IQCJ: variants seen among roughly 807,000 people sequenced by gnomAD.
The protein encoded by IQCJ is IQ motif containing J, also known as IQ domain-containing protein J.
Under a neutral mutation model 11.0 loss-of-function variants are expected in IQCJ, and 9 were observed. That is an observed-to-expected ratio of 0.82 (90% CI 0.49 to 1.43). The LOEUF is 1.43. IQCJ is among the 40% of genes most tolerant of loss of function. The pLI is 0.00. For synonymous variants in IQCJ, 55 were observed against 51.3 expected, an observed-to-expected ratio of 1.07 and a Z score of -0.31; for missense variants, 146 against 133.2, an observed-to-expected ratio of 1.10 and a Z score of -0.47.
intron 1 of IQCJ, among the ~76,000 whole-genome samples, chr3:159,203,440 G>A (rs1263863622): frequency 6.6e-6 from 1 of 151,572 alleles, no homozygotes; most frequent in African/African-American, 2.4e-5. Context: ...TTCTGTGACA[G>A]CATGGCCACA....
intron 1 of IQCJ, among the ~76,000 whole-genome samples, chr3:159,140,504 T>C (rs1720539851): frequency 6.6e-6 from 1 of 152,182 alleles, no homozygotes; most frequent in Admixed American, 6.5e-5. Context: ...ATGTAAAATA[T>C]CACGTTATAA....
At chr3:159,254,811 G>T (rs1560044365) in intron 3 of IQCJ, among the ~76,000 whole-genome samples, 1 of 152,058 alleles carries the variant, frequency 6.6e-6, no homozygotes, top group Non-Finnish European at 1.5e-5. Flanking sequence ...ATGAATAGAT[G>T]GCGGACACTT....
At chr3:159,248,214 C>A (rs1387511544) in intron 2 of IQCJ, among the ~76,000 whole-genome samples, 3 of 152,106 alleles carry the variant, frequency 2.0e-5, no homozygotes, top group Non-Finnish European at 2.9e-5. Flanking sequence ...AGCCTGATAC[C>A]TTCAATGCTG....
rs1314867697 is a variant in IQCJ at position 159,263,695 on chromosome 3, G to A, written c.*964G>A. 1.0e-6 allele frequency: 1 copy of A among 985,240 alleles called. No homozygotes were observed. The highest frequency in any genetic ancestry group is 1.2e-6 in the Non-Finnish European group (1 of 829,904). 61.0% of individuals were successfully genotyped at this position (985,240 alleles called of 1,614,324 possible). A position where few individuals can be genotyped will look rare whatever the true frequency, so the allele number is the denominator to read the frequency against. Reference sequence around the variant, plus strand: ...GTATTCTTTTTGGGATCAGGTAAAAGTTACTGTATTTGAAATGTTTTCAGA... The same window carrying A: ...GTATTCTTTTTGGGATCAGGTAAAAATTACTGTATTTGAAATGTTTTCAGA... On this transcript the variant is annotated 3_prime_UTR_variant, in exon 4 of 4. Coordinates refer to ENST00000397832, the MANE Select transcript of IQCJ (RefSeq NM_001042706.3).
intron 1 of IQCJ, among the ~76,000 whole-genome samples, chr3:159,227,131 G>A (rs1450986899): frequency 1.3e-5 from 2 of 152,140 alleles, no homozygotes; most frequent in Admixed American, 6.5e-5. Flanking sequence ...TTTAAGTAAT[G>A]GGATGCTTTC....
intron 3 of IQCJ, 80 bp downstream of exon 3, chr3:159,252,887 A>C (rs1727685641): frequency 2.2e-6 from 3 of 1,342,200 alleles, no homozygotes; most frequent in Admixed American, 2.1e-5. Context: ...TTTCGGGCAC[A>C]ACAGTTATGC....
intron 1 of IQCJ, among the ~76,000 whole-genome samples, chr3:159,116,614 GTATA>G (rs57810703): frequency 2.7e-3 from 153 of 57,490 alleles, no homozygotes; most frequent in South Asian, 4.7e-3. Context: ...CTGCTCATAT[GTATA>G]TATATATATA....
chr3:159,237,295 A>G (rs1388133163), intron 1 of IQCJ, among the ~76,000 whole-genome samples: 2 of 152,232 alleles, frequency 1.3e-5, no homozygotes, highest in Non-Finnish European at 2.9e-5. Context: ...AAAATAAAAA[A>G]CAAACCAGAA....
intron 1 of IQCJ, among the ~76,000 whole-genome samples, chr3:159,144,125 A>G (rs1720785276): frequency 6.6e-6 from 1 of 152,230 alleles, no homozygotes; most frequent in South Asian, 2.1e-4. Context: ...AAGTTTCAAC[A>G]TGAATTGTGG....
intron 1 of IQCJ, among the ~76,000 whole-genome samples, chr3:159,192,115 C>A (rs1723724695): frequency 2.0e-5 from 3 of 152,280 alleles, no homozygotes; most frequent in Admixed American, 1.3e-4. Flanking sequence ...ATGCCAAAAG[C>A]TTTAGTGAGA....
intron 1 of IQCJ, among the ~76,000 whole-genome samples, chr3:159,084,681 C>T (rs1443657228): frequency 6.6e-6 from 1 of 152,040 alleles, no homozygotes; most frequent in African/African-American, 2.4e-5. Context: ...TATGTGACTC[C>T]AGAGGTTACC....
chr3:159,200,347 A>G (rs928863592), intron 1 of IQCJ, among the ~76,000 whole-genome samples: 8 of 151,950 alleles, frequency 5.3e-5, no homozygotes, highest in Non-Finnish European at 1.2e-4. Flanking sequence ...ACCACCTTCT[A>G]GTGGTATGAT....
intron 1 of IQCJ, among the ~76,000 whole-genome samples, chr3:159,073,392 G>A (rs1315744367): frequency 1.3e-5 from 2 of 152,052 alleles, no homozygotes; most frequent in African/African-American, 2.4e-5. Context: ...GAACTTAGCG[G>A]TAAGGTGAGC....
chr3:159,141,828 C>T lies in IQCJ; in HGVS notation c.9+72387C>T, dbSNP rs373596095. On this transcript the variant is annotated intron_variant, in intron 1 of 3. Transcript: ENST00000397832. ...TTTTGAGACATCCCATACACTTGAG[C>T]ATTAATTATATTGTCTTATTTATCT... 1.9e-4 allele frequency among the ~76,000 whole-genome samples: 29 copies of T among 152,290 alleles called. No homozygotes were observed. The South Asian group carries it at 5.8e-3, about 31-fold the overall frequency.
intron 1 of IQCJ, among the ~76,000 whole-genome samples, chr3:159,076,012 A>G (rs552760171): frequency 6.6e-6 from 1 of 152,082 alleles, no homozygotes; most frequent in South Asian, 2.1e-4. Context: ...CGCTCTTCTT[A>G]CCTTTCCTGG....
rs1169240459 is a variant in IQCJ, at chr3:159,141,689, C to T, written c.9+72248C>T. On this transcript the variant is annotated intron_variant, in intron 1 of 3. Coordinates refer to ENST00000397832, the MANE Select transcript of IQCJ (RefSeq NM_001042706.3). ...TTAGTACTTGAATAAATTATCTTTA[C>T]AAGTTAGATGTATGATTTTGATAAG... 2.6e-5 allele frequency among the ~76,000 whole-genome samples: 4 copies of T among 152,196 alleles called. No individual in the cohort carries two copies. The East Asian group carries it at 7.7e-4, about 29-fold the overall frequency.
At chr3:159,119,089 A>G (rs1174565980) in intron 1 of IQCJ, among the ~76,000 whole-genome samples, 3 of 152,192 alleles carry the variant, frequency 2.0e-5, no homozygotes, top group Admixed American at 6.6e-5. Flanking sequence ...TGTTTTGGCT[A>G]TATCCAAGGG....
chr3:159,222,777 A>G (rs1414367454), intron 1 of IQCJ, among the ~76,000 whole-genome samples: 2 of 152,140 alleles, frequency 1.3e-5, no homozygotes, highest in African/African-American at 4.8e-5. Context: ...TCATTTCACT[A>G]TGGATATGTA....
chr3:159,197,081 C>A (rs1270714748), intron 1 of IQCJ, among the ~76,000 whole-genome samples: 3 of 151,242 alleles, frequency 2.0e-5, no homozygotes, highest in African/African-American at 4.9e-5. Context: ...ATCCTGAATT[C>A]TTCTACTTCC....
Sources: gnomAD v4.1 joint callset for allele counts (sites outside exome capture counted in the v4.1 genomes callset) on GRCh38, gnomAD v4.1.1 for gene constraint, MANE v1.5 for transcripts, NCBI Gene and HGNC (gene_info 2026-07-23, HGNC 2026-07-21) for gene names.